The following HDAC4 variants were observed in gnomAD, a reference collection of about 807,000 sequenced individuals.
HDAC4 encodes histone deacetylase 4, also known as histone deacetylase A.
In HDAC4, 16 loss-of-function variants were observed where a neutral mutation model predicts 135.1. The observed-to-expected ratio is 0.12, with a 90% CI of 0.08 to 0.18. HDAC4 has a LOEUF of 0.18. Ranked by LOEUF, HDAC4 falls within the 10% of genes least tolerant of loss-of-function variation. The pLI is 1.00. For missense variants in HDAC4, 1,143 were observed against 1,511.8 expected (o/e 0.76, Z 4.05); for synonymous variants, 685 against 653.4 (o/e 1.05, Z -0.74).
chr2:239,259,045 G>C (rs947076087), intron 2 of HDAC4, among the ~76,000 whole-genome samples: 1 of 152,242 alleles, frequency 6.6e-6, no homozygotes, highest in Non-Finnish European at 1.5e-5. Flanking sequence ...AGACAAAGTA[G>C]ACTTTAACAC....
chr2:239,128,272 C>G (rs1249013196), intron 11 of HDAC4, among the ~76,000 whole-genome samples: 1 of 151,476 alleles, frequency 6.6e-6, no homozygotes, highest in Admixed American at 6.6e-5. Context: ...TCAGGCTGGG[C>G]GCGGTGGTGG....
At position 239,163,928 on chromosome 2, in the gene HDAC4, C is replaced by A. The variant is rs752797673; in HGVS notation, c.491-5G>T. 1.9e-6 allele frequency: 3 copies of A among 1,613,940 alleles called. No homozygotes were observed. Among genetic ancestry groups the A allele is most frequent in the Non-Finnish European group, 1.7e-6 (2 of 1,179,988 alleles). Reference sequence around the variant, plus strand: ...CTTCTGTGCTGGCCACGGCACCTGGCGTGGGAGAAAGCATAGCAGGGGGTG... The same window carrying A: ...CTTCTGTGCTGGCCACGGCACCTGGAGTGGGAGAAAGCATAGCAGGGGGTG... On this transcript the variant is annotated splice_polypyrimidine_tract_variant and splice_region_variant and intron_variant, in intron 5 of 26. Coordinates refer to ENST00000543185, the MANE Select transcript of HDAC4 (RefSeq NM_001378414.1).
At position 239,385,298 on chromosome 2, in the gene HDAC4, C is replaced by A. The variant is rs935432281; in HGVS notation, c.-220+15680G>T. Among the ~76,000 whole-genome samples the A allele has an allele frequency of 2.8e-4, 43 of 152,260 alleles. 1 individual carries two copies. The highest frequency in any genetic ancestry group is 9.2e-4 in the African/African-American group (38 of 41,478). ...TCTTGGAGCTCAGTACATGGGGGCACACAGCGGGCTGGCTGCTCTCAGCAG... is the reference window on the plus strand; with the variant it reads ...TCTTGGAGCTCAGTACATGGGGGCAAACAGCGGGCTGGCTGCTCTCAGCAG... On this transcript the variant is annotated intron_variant, in intron 1 of 26. Transcript: ENST00000543185.
rs1338612544 is a variant in HDAC4 at position 239,048,610 on chromosome 2, T to G, written c.*4487A>C. ...ATAGATAGATTATATATGTTTGTCA[T>G]TCTCATCAATTGGAAAATAGCGCCT... On this transcript the variant is annotated 3_prime_UTR_variant, in exon 27 of 27. Coordinates refer to ENST00000543185, the MANE Select transcript of HDAC4 (RefSeq NM_001378414.1). 3 of 147,344 alleles carry G rather than the reference T, an allele frequency of 2.0e-5. No homozygotes were observed. Among genetic ancestry groups the G allele is most frequent in the African/African-American group, 7.4e-5 (3 of 40,592 alleles). 9.1% of individuals were successfully genotyped at this position (147,344 alleles called of 1,614,324 possible). A position where few individuals can be genotyped will look rare whatever the true frequency, so the allele number is the denominator to read the frequency against.
intron 3 of HDAC4, among the ~76,000 whole-genome samples, chr2:239,191,756 C>A (rs1007410457): frequency 2.0e-5 from 3 of 152,198 alleles, no homozygotes; most frequent in African/African-American, 7.2e-5. Context: ...CAATCATGCT[C>A]CTAACCTGGC....
In HDAC4 at chr2:239,052,953, C is replaced by T; in HGVS notation, c.*144G>A. 2 of 941,822 alleles carry T rather than the reference C, an allele frequency of 2.1e-6. No individual in the cohort carries two copies. Among genetic ancestry groups the T allele is most frequent in the South Asian group, 1.3e-5 (1 of 75,096 alleles). 58.3% of individuals were successfully genotyped at this position (941,822 alleles called of 1,614,324 possible). On this transcript the variant is annotated 3_prime_UTR_variant, in exon 27 of 27. Coordinates refer to ENST00000543185, the MANE Select transcript of HDAC4 (RefSeq NM_001378414.1). ...CCTGTGGGCCTGGGCGGCAGAAAGGCTTCCCGTGGCTGTTGCACGCTGGGT... is the reference window on the plus strand; with the variant it reads ...CCTGTGGGCCTGGGCGGCAGAAAGGTTTCCCGTGGCTGTTGCACGCTGGGT...
At chr2:239,104,493 G>C (rs2037946636) in intron 15 of HDAC4, among the ~76,000 whole-genome samples, 1 of 152,220 alleles carries the variant, frequency 6.6e-6, no homozygotes, top group Non-Finnish European at 1.5e-5. Context: ...GCCTCCCAAA[G>C]TGCTGGTATT....
At chr2:239,079,188 CG>C (rs2152674620) in intron 22 of HDAC4, among the ~76,000 whole-genome samples, 1 of 152,322 alleles carries the variant, frequency 6.6e-6, no homozygotes, top group South Asian at 2.1e-4. Context: ...AGCTCATTTT[CG>C]GAAGTGGTAC....
intron 1 of HDAC4, among the ~76,000 whole-genome samples, chr2:239,364,999 T>A (rs1694096354): frequency 6.6e-6 from 1 of 152,248 alleles, no homozygotes; most frequent in Admixed American, 6.5e-5. Flanking sequence ...TAAGTCAGGT[T>A]TGTCAGACAA....
intron 24 of HDAC4, among the ~76,000 whole-genome samples, chr2:239,062,543 G>C (rs747214297): frequency 1.3e-5 from 2 of 152,226 alleles, no homozygotes; most frequent in African/African-American, 2.4e-5. Context: ...GCGCAAACAC[G>C]CATCAGGAAG....
intron 15 of HDAC4, among the ~76,000 whole-genome samples, chr2:239,105,696 C>T (rs2038062468): frequency 6.6e-6 from 1 of 152,196 alleles, no homozygotes; most frequent in Admixed American, 6.5e-5. Flanking sequence ...TGCCCTCGGG[C>T]CTGGGCTTCG....
chr2:239,166,394 G>A (rs1452231606), intron 5 of HDAC4, among the ~76,000 whole-genome samples: 1 of 152,170 alleles, frequency 6.6e-6, no homozygotes, highest in African/African-American at 2.4e-5. Flanking sequence ...CATTGCCCGA[G>A]TCAAGCTGTG....
intron 22 of HDAC4, among the ~76,000 whole-genome samples, chr2:239,073,685 C>A (rs1437297952): frequency 6.6e-6 from 1 of 152,268 alleles, no homozygotes; most frequent in Non-Finnish European, 1.5e-5. Flanking sequence ...CAAAGCATGG[C>A]GATTTCGCAA....
chr2:239,251,127 G>A (rs539211670), intron 2 of HDAC4, among the ~76,000 whole-genome samples: 3 of 152,316 alleles, frequency 2.0e-5, no homozygotes, highest in East Asian at 3.9e-4. Context: ...AACTTTAAAC[G>A]ATTTCAAGAC....
At chr2:239,057,390 A>T (rs2032020039) in intron 24 of HDAC4, among the ~76,000 whole-genome samples, 1 of 152,250 alleles carries the variant, frequency 6.6e-6, no homozygotes, top group African/African-American at 2.4e-5. Flanking sequence ...CCAGAGATTT[A>T]TGAACGTGAC....
intron 2 of HDAC4, among the ~76,000 whole-genome samples, chr2:239,325,854 A>G (rs1263949060): frequency 6.6e-6 from 1 of 152,106 alleles, no homozygotes; most frequent in African/African-American, 2.4e-5. Flanking sequence ...AGTCCCAGCT[A>G]CTCGGGAGGC....
chr2:239,389,922 C>T (rs1696087422), intron 1 of HDAC4, among the ~76,000 whole-genome samples: 1 of 152,308 alleles, frequency 6.6e-6, no homozygotes, highest in Middle Eastern at 3.4e-3. Context: ...GTGGCTGGAG[C>T]CAGACCGAAG....
chr2:239,244,966 G>A (rs776966611), intron 2 of HDAC4, among the ~76,000 whole-genome samples: 24 of 152,134 alleles, frequency 1.6e-4, no homozygotes, highest in Non-Finnish European at 3.1e-4. Context: ...TCCCCACTGC[G>A]CAGGTTACTG....
At chr2:239,133,833 C>T (rs900225970) in intron 11 of HDAC4, among the ~76,000 whole-genome samples, 1 of 152,186 alleles carries the variant, frequency 6.6e-6, no homozygotes, top group African/African-American at 2.4e-5. Flanking sequence ...TAAGGACGTT[C>T]CCATTTTCCT....
Sources: allele counts gnomAD v4.1 joint callset (sites outside exome capture counted in the v4.1 genomes callset), GRCh38; gene constraint gnomAD v4.1.1; transcripts MANE v1.5; gene names NCBI Gene and HGNC (gene_info 2026-07-23, HGNC 2026-07-21).